Variants in NIBAN2 observed in about 807,000 individuals in gnomAD.
NIBAN2 encodes niban apoptosis regulator 2, also known as protein Niban 2.
NIBAN2 carries 36 observed loss-of-function variants against 81.8 expected under a neutral mutation model. The ratio of observed to expected loss-of-function variants is 0.44; its 90% CI spans 0.34 to 0.58. NIBAN2 has a LOEUF of 0.58. Among genes scored for constraint, NIBAN2 ranks in the 20% least tolerant of loss-of-function variants. NIBAN2 has a pLI of 0.02. For missense variants in NIBAN2, 897 were observed against 1,014.1 expected (o/e 0.88, Z 1.57); for synonymous variants, 445 against 441.6 (o/e 1.01, Z -0.10).
Position 127,507,943 on chromosome 9 carries a change from G to A in NIBAN2, c.1578C>T (p.Asp526=). Residue 526 remains aspartate, a synonymous_variant, in exon 13 of 14, where the codon GAC becomes GAT. Transcript: ENST00000373312. This position sits in a 1 kb window ranked among gnomAD's most constrained non-coding sequence, Gnocchi z 6.8. ...LPRFQELIFE[D]FARFILVENT... ...TTTCCACCAGGATGAACCTGGCAAA[G>A]TCCTCGAAGATCAGCTCCTGGAACC... is the stretch of plus-strand genomic sequence containing the variant. The A allele has an allele frequency of 6.2e-7, 1 of 1,614,214 alleles. No homozygotes were observed. The highest frequency in any genetic ancestry group is 1.6e-4 in the Middle Eastern group (1 of 6,062).
chr9:127,540,153 G>T (rs545183487), intron 1 of NIBAN2, among the ~76,000 whole-genome samples: 1 of 152,152 alleles, frequency 6.6e-6, no homozygotes, highest in African/African-American at 2.4e-5. Flanking sequence ...CAGCCAAGGC[G>T]GCCGGAACGT....
intron 9 of NIBAN2, chr9:127,509,942 C>T: frequency 5.1e-6 from 2 of 393,552 alleles, no homozygotes; most frequent in Non-Finnish European, 4.6e-6. Flanking sequence ...GCTAATGTTC[C>T]CTCTTTCCTC....
intron 1 of NIBAN2, among the ~76,000 whole-genome samples, chr9:127,557,681 TTGGCCTCCCAGGACCAGGCCGGC>T (rs1280015224): frequency 6.6e-6 from 1 of 152,198 alleles, no homozygotes; most frequent in East Asian, 1.9e-4. Context: ...GATTGGAGGT[TTGGCCTCCCAGGACCAGGCCGGC>T]TCTCAGGTCA....
intron 1 of NIBAN2, among the ~76,000 whole-genome samples, chr9:127,575,119 C>T (rs1436965232): frequency 1.3e-5 from 2 of 152,206 alleles, no homozygotes; most frequent in Non-Finnish European, 2.9e-5. Flanking sequence ...ACTGGGGGCC[C>T]CTGCCAGTCC....
chr9:127,531,920 CT>C, intron 1 of NIBAN2, 142 bp from the exon 2 acceptor site: 1 of 1,160,654 alleles, frequency 8.6e-7, no homozygotes, highest in Middle Eastern at 2.8e-4. Flanking sequence ...CTCATCTGCG[CT>C]GCATTTCTGG....
chr9:127,568,817 C>T lies in NIBAN2; in HGVS notation c.55+3G>A, dbSNP rs116853240. On this transcript the variant is annotated splice_donor_region_variant and intron_variant, in intron 1 of 13. Coordinates refer to ENST00000373312, the MANE Select transcript of NIBAN2 (RefSeq NM_022833.4). ...GGCGCGCGTGGCGCGGCGCGACCCT[C>T]ACCTGCGATGTGCTGGCGCCGGGCG... The T allele has an allele frequency of 2.6e-3, 3,593 of 1,359,696 alleles. 62 individuals carry two copies. The East Asian group carries it at 0.053, about 20-fold the overall frequency. 84.2% of individuals were successfully genotyped at this position (1,359,696 alleles called of 1,614,324 possible). A position where few individuals can be genotyped will look rare whatever the true frequency, so the allele number is the denominator to read the frequency against.
At position 127,559,232 on chromosome 9, in the gene NIBAN2, G is replaced by C. The variant is rs1837728846; in HGVS notation, c.55+9588C>G. 6.6e-6 allele frequency among the ~76,000 whole-genome samples: 1 copy of C among 152,230 alleles called. No homozygotes were observed. The highest frequency in any genetic ancestry group is 2.4e-5 in the African/African-American group (1 of 41,444). Reference sequence around the variant, plus strand: ...GTCCCCAGTTCCCAGCTCAGGCCAGGAACAGGACAGCTTTCAGAGCAAGCT... The same window carrying C: ...GTCCCCAGTTCCCAGCTCAGGCCAGCAACAGGACAGCTTTCAGAGCAAGCT... On this transcript the variant is annotated intron_variant, in intron 1 of 13. Transcript: ENST00000373312. This position sits in a 1 kb window ranked among gnomAD's most constrained non-coding sequence, Gnocchi z 4.0.
At chr9:127,515,029 T>TTTTAAAAATTTTAAAAAATTTTTAAA (rs1564296749) in intron 8 of NIBAN2, among the ~76,000 whole-genome samples, 2 of 151,964 alleles carry the variant, frequency 1.3e-5, no homozygotes, top group African/African-American at 2.4e-5. Flanking sequence ...TTAAAAGAGA[T>TTTTAAAAATTTTAAAAAATTTTTAAA]AGAGTTTTGC....
intron 1 of NIBAN2, among the ~76,000 whole-genome samples, chr9:127,532,704 T>C (rs566474348): frequency 6.6e-6 from 1 of 151,096 alleles, no homozygotes; most frequent in Non-Finnish European, 1.5e-5. Context: ...AGTGACAGAG[T>C]CACCTGTTGA....
Position 127,568,896 on chromosome 9 carries a change from G to A in NIBAN2, c.-22C>T. On this transcript the variant is annotated 5_prime_UTR_variant, in exon 1 of 14. Coordinates refer to ENST00000373312, the MANE Select transcript of NIBAN2 (RefSeq NM_022833.4). ...CCATGGCCAGGAGGTGTCGCGGCCC[G>A]ATCCGGCCGACGCCGCCGCTGTTGC... 3 of 1,278,118 alleles carry A rather than the reference G, an allele frequency of 2.3e-6. No homozygotes were observed. The highest frequency in any genetic ancestry group is 2.3e-5 in the South Asian group (1 of 43,708). The allele number at this position is 1,278,118 out of a possible 1,614,324, so 79.2% of individuals were successfully genotyped here.
In NIBAN2 at chr9:127,508,632, C is replaced by G. The variant is rs1293391075; in HGVS notation, c.1318-94G>C. ...GGGTCCTCATCCTCAACCAGCCCCCCACCCCGAGGCCTGCCAGGGAGGAAT... is the reference window on the plus strand; with the variant it reads ...GGGTCCTCATCCTCAACCAGCCCCCGACCCCGAGGCCTGCCAGGGAGGAAT... On this transcript the variant is annotated intron_variant, in intron 10 of 13. Coordinates refer to ENST00000373312, the MANE Select transcript of NIBAN2 (RefSeq NM_022833.4). This position sits in a 1 kb window ranked among gnomAD's most constrained non-coding sequence, Gnocchi z 6.4. 3 of 1,056,094 alleles carry G rather than the reference C, an allele frequency of 2.8e-6. No homozygotes were observed. Among genetic ancestry groups the G allele is most frequent in the Non-Finnish European group, 4.4e-6 (3 of 687,448 alleles). The allele number at this position is 1,056,094 out of a possible 1,614,324, so 65.4% of individuals were successfully genotyped here.
chr9:127,542,348 C>T (rs1008105108), intron 1 of NIBAN2, among the ~76,000 whole-genome samples: 4 of 152,204 alleles, frequency 2.6e-5, no homozygotes, highest in Non-Finnish European at 5.9e-5. Context: ...CCGCTGGCCT[C>T]CTGGTGGGTA....
intron 1 of NIBAN2, among the ~76,000 whole-genome samples, chr9:127,562,852 A>G (rs1837795929): frequency 6.6e-6 from 1 of 152,188 alleles, no homozygotes. Context: ...AATGGAATAA[A>G]ATGCAGCCTT....
At chr9:127,568,735 C>T in intron 1 of NIBAN2, 85 bp downstream of exon 1, 1 of 1,155,968 alleles carries the variant, frequency 8.7e-7, no homozygotes. Flanking sequence ...CCCCCGGCCC[C>T]GGCGCCAACT....
chr9:127,514,172 G>A (rs1484001861), intron 8 of NIBAN2, among the ~76,000 whole-genome samples: 1 of 150,508 alleles, frequency 6.6e-6, no homozygotes, highest in African/African-American at 2.4e-5. Context: ...GGGAGGCTGA[G>A]ACAGAAGAAT....
In NIBAN2 at chr9:127,563,616, G is replaced by A. The variant is rs901088716; in HGVS notation, c.55+5204C>T. Among the ~76,000 whole-genome samples, 3 of 151,626 alleles carry A rather than the reference G, an allele frequency of 2.0e-5. No homozygotes were observed. Among genetic ancestry groups the A allele is most frequent in the Non-Finnish European group, 2.9e-5 (2 of 67,966 alleles). On this transcript the variant is annotated intron_variant, in intron 1 of 13. Transcript: ENST00000373312. This position sits in a 1 kb window ranked among gnomAD's most constrained non-coding sequence, Gnocchi z 4.1. Reference sequence around the variant, plus strand: ...CGTCTCACTGCAACCTCCACCTCCCGGGTTCAAGCGATTCTTGTGCCGCAG... The same window carrying A: ...CGTCTCACTGCAACCTCCACCTCCCAGGTTCAAGCGATTCTTGTGCCGCAG...
intron 1 of NIBAN2, among the ~76,000 whole-genome samples, chr9:127,539,406 C>T (rs1359444594): frequency 6.6e-6 from 1 of 152,196 alleles, no homozygotes; most frequent in Non-Finnish European, 1.5e-5. Flanking sequence ...CCTCATCTTA[C>T]AGACGAGGAA....
At chr9:127,527,869 G>A (rs190584202) in intron 2 of NIBAN2, among the ~76,000 whole-genome samples, 1 of 152,296 alleles carries the variant, frequency 6.6e-6, no homozygotes, top group Admixed American at 6.5e-5. Flanking sequence ...TGTCAGCTCT[G>A]ATGGCTGATG....
At chr9:127,524,835 C>T (rs1837029933) in intron 4 of NIBAN2, 11 of 516,538 alleles carry the variant, frequency 2.1e-5, no homozygotes, top group Non-Finnish European at 6.9e-6. Flanking sequence ...ACAGTGCTGA[C>T]CCACAGGTTT....
Sources: allele counts gnomAD v4.1 joint callset (sites outside exome capture counted in the v4.1 genomes callset), GRCh38; gene constraint gnomAD v4.1.1; non-coding constraint Gnocchi (gnomAD v3.1); transcripts MANE v1.5; gene names NCBI Gene and HGNC (gene_info 2026-07-23, HGNC 2026-07-21).